The following SEMA6D variants were observed in gnomAD, a reference collection of about 807,000 sequenced individuals.
SEMA6D encodes semaphorin-6D.
SEMA6D carries 35 observed loss-of-function variants against 106.6 expected under a neutral mutation model. The observed-to-expected ratio is 0.33, with a 90% CI of 0.25 to 0.44. The LOEUF (loss-of-function observed/expected upper bound fraction) is 0.44, where lower values mean the gene tolerates loss of function less well. Ranked by LOEUF, SEMA6D falls within the 20% of genes least tolerant of loss-of-function variation. The probability of loss-of-function intolerance (pLI) is 1.00; values close to 1 mark genes in which losing one functional copy is unlikely to be tolerated. For missense variants in SEMA6D, 1,185 were observed against 1,345.9 expected (o/e 0.88, Z 1.87); for synonymous variants, 499 against 487.7 (o/e 1.02, Z -0.31).
chr15:47,285,479 GA>G (rs556843611), intron 1 of SEMA6D, among the ~76,000 whole-genome samples: 23 of 145,764 alleles, frequency 1.6e-4, no homozygotes, highest in East Asian at 1.0e-3. Flanking sequence ...ATAGATGTTT[GA>G]AAAAAAAAAG....
chr15:47,412,783 C>T (rs1322530426), intron 2 of SEMA6D, among the ~76,000 whole-genome samples: 1 of 152,100 alleles, frequency 6.6e-6, no homozygotes, highest in Non-Finnish European at 1.5e-5. Context: ...TATGATTATA[C>T]AGCACAAAGA....
intron 1 of SEMA6D, among the ~76,000 whole-genome samples, chr15:47,261,773 G>A (rs778486722): frequency 6.6e-6 from 1 of 152,034 alleles, no homozygotes; most frequent in Non-Finnish European, 1.5e-5. Flanking sequence ...TAATATAATA[G>A]TGTGTTTTCT....
rs1711156732 is a variant in SEMA6D, at chr15:47,253,448, A to G, written c.-239+69030A>G. Among the ~76,000 whole-genome samples the G allele has an allele frequency of 2.0e-5, 3 of 152,276 alleles. No individual in the cohort carries two copies. In the South Asian group the frequency reaches 6.2e-4, roughly 32 times the overall value. ...AATACTCACCCAAGGAAATGCCATG[A>G]AGCGTTTCCCAAGTGTTTTCTTTCA... On this transcript the variant is annotated intron_variant, in intron 1 of 19. Transcript: ENST00000558014.
intron 1 of SEMA6D, among the ~76,000 whole-genome samples, chr15:47,411,034 G>A (rs1011256704): frequency 6.6e-6 from 1 of 151,974 alleles, no homozygotes; most frequent in Non-Finnish European, 1.5e-5. Flanking sequence ...ACACGGTGTA[G>A]GGTATCAGCT....
At chr15:47,451,777 G>A (rs1322663800) in intron 2 of SEMA6D, among the ~76,000 whole-genome samples, 2 of 151,968 alleles carry the variant, frequency 1.3e-5, no homozygotes, top group Non-Finnish European at 2.9e-5. Flanking sequence ...ATCAGTGGTC[G>A]TGTGAGGCCA....
In SEMA6D at chr15:47,189,675, T is replaced by C. The variant is rs144944904; in HGVS notation, c.-239+5257T>C. 8.4e-3 allele frequency among the ~76,000 whole-genome samples: 1,283 copies of C among 152,320 alleles called. 20 individuals are homozygous for C. Among genetic ancestry groups the C allele is most frequent in the African/African-American group, 0.029 (1,224 of 41,556 alleles). On this transcript the variant is annotated intron_variant, in intron 1 of 19. Coordinates refer to the SEMA6D transcript ENST00000558014. ...CACCCACATAGACATGACTTTTTTTTCCAGACATCTTGATTACAGTTAATG... is the reference window on the plus strand; with the variant it reads ...CACCCACATAGACATGACTTTTTTTCCCAGACATCTTGATTACAGTTAATG...
At chr15:47,184,791 C>G (rs1893433377) in intron 1 of SEMA6D, among the ~76,000 whole-genome samples, 2 of 152,248 alleles carry the variant, frequency 1.3e-5, no homozygotes, top group African/African-American at 4.8e-5. Flanking sequence ...ATGCCGCGGA[C>G]TCGGGCGCAA....
At chr15:47,690,620 C>T (rs2078565466) in intron 4 of SEMA6D, among the ~76,000 whole-genome samples, 2 of 152,122 alleles carry the variant, frequency 1.3e-5, no homozygotes, top group Non-Finnish European at 2.9e-5. Flanking sequence ...CACCTTGTGT[C>T]TTCAGAATCT....
chr15:47,325,959 T>C (rs908481662), intron 1 of SEMA6D, among the ~76,000 whole-genome samples: 4 of 152,224 alleles, frequency 2.6e-5, no homozygotes, highest in Non-Finnish European at 5.9e-5. Flanking sequence ...TAACTAGTTA[T>C]TAGAGCCTGC....
At chr15:47,335,479 C>T (rs1035308021) in intron 1 of SEMA6D, among the ~76,000 whole-genome samples, 2 of 152,076 alleles carry the variant, frequency 1.3e-5, no homozygotes, top group Admixed American at 1.3e-4. Context: ...AGTGGAGCAC[C>T]TCAGATGAAG....
chr15:47,292,055 A>T (rs1366893267), intron 1 of SEMA6D, among the ~76,000 whole-genome samples: 1 of 152,254 alleles, frequency 6.6e-6, no homozygotes, highest in Non-Finnish European at 1.5e-5. Context: ...TAGGAAGAAC[A>T]CATTAAAATG....
intron 4 of SEMA6D, among the ~76,000 whole-genome samples, chr15:47,670,336 C>T (rs952659047): frequency 1.3e-5 from 2 of 152,170 alleles, no homozygotes; most frequent in African/African-American, 4.8e-5. Context: ...CCGCAGAGAA[C>T]ATGGTACCTT....
At chr15:47,568,704 A>G (rs1211392504) in intron 3 of SEMA6D, among the ~76,000 whole-genome samples, 3 of 152,026 alleles carry the variant, frequency 2.0e-5, no homozygotes, top group South Asian at 2.1e-4. Context: ...TTATTTTCCC[A>G]TATTAAAAAT....
intron 4 of SEMA6D, among the ~76,000 whole-genome samples, chr15:47,631,493 C>T (rs546158496): frequency 6.6e-6 from 1 of 151,720 alleles, no homozygotes; most frequent in Admixed American, 6.6e-5. Flanking sequence ...AAAGGCTCTG[C>T]CTGTGCAAGT....
intron 1 of SEMA6D, among the ~76,000 whole-genome samples, chr15:47,187,427 T>C (rs980691961): frequency 6.6e-6 from 1 of 152,190 alleles, no homozygotes; most frequent in Non-Finnish European, 1.5e-5. Flanking sequence ...TCATCAAAAC[T>C]TATATTTAAA....
intron 1 of SEMA6D, chr15:47,380,614 C>T (rs1020698274): frequency 6.6e-6 from 1 of 152,138 alleles, no homozygotes; most frequent in South Asian, 2.1e-4. Context: ...AAAATAGCCA[C>T]ATAAGCAGAT....
At chr15:47,602,435 A>C (rs963777674) in intron 4 of SEMA6D, among the ~76,000 whole-genome samples, 1 of 152,196 alleles carries the variant, frequency 6.6e-6, no homozygotes, top group African/African-American at 2.4e-5. Context: ...ATGTGATTAG[A>C]ATTCTGAGAA....
chr15:47,433,568 T>C (rs2041607472), intron 2 of SEMA6D, among the ~76,000 whole-genome samples: 1 of 152,146 alleles, frequency 6.6e-6, no homozygotes, highest in African/African-American at 2.4e-5. Flanking sequence ...TTACATTTAA[T>C]TTATTTTTTG....
chr15:47,219,487 T>A (rs1429493317), intron 1 of SEMA6D, among the ~76,000 whole-genome samples: 1 of 152,240 alleles, frequency 6.6e-6, no homozygotes, highest in Non-Finnish European at 1.5e-5. Flanking sequence ...CCTGGTATGT[T>A]CTACCTGGGT....
Sources: gnomAD v4.1 joint callset for allele counts (sites outside exome capture counted in the v4.1 genomes callset) on GRCh38, gnomAD v4.1.1 for gene constraint, MANE v1.5 for transcripts, NCBI Gene and HGNC (gene_info 2026-07-23, HGNC 2026-07-21) for gene names.